The following RHBDD1 variants were observed in gnomAD, a reference collection of about 807,000 sequenced individuals.
RHBDD1 encodes the protein rhomboid-related protein 4.
Under a neutral mutation model 36.3 loss-of-function variants are expected in RHBDD1, and 38 were observed. That is an observed-to-expected ratio of 1.05 (90% CI 0.81 to 1.37). The LOEUF is 1.37. Among genes scored for constraint, RHBDD1 ranks in the 40% most tolerant of loss-of-function variants. RHBDD1 has a pLI of 0.00. For synonymous variants in RHBDD1, 151 were observed against 136.5 expected (o/e 1.11, Z -0.74); for missense variants, 393 against 377.6 (o/e 1.04, Z -0.34).
chr2:226,964,444 C>T (rs139379946), intron 8 of RHBDD1, among the ~76,000 whole-genome samples: 2 of 152,244 alleles, frequency 1.3e-5, no homozygotes, highest in African/African-American at 4.8e-5. Flanking sequence ...TGGTCTCTTT[C>T]CTGGGTCTTC....
intron 8 of RHBDD1, among the ~76,000 whole-genome samples, chr2:226,983,870 A>G (rs936830515): frequency 6.6e-6 from 1 of 152,224 alleles, no homozygotes. Flanking sequence ...AAACAGGTCT[A>G]AATATTATCA....
At chr2:226,961,947 G>A (rs1203938678) in intron 8 of RHBDD1, among the ~76,000 whole-genome samples, 3 of 152,208 alleles carry the variant, frequency 2.0e-5, no homozygotes, top group African/African-American at 7.2e-5. Flanking sequence ...TTCACATAGA[G>A]TTACAATTGA....
chr2:226,985,617 T>C (rs941654076), intron 8 of RHBDD1, among the ~76,000 whole-genome samples: 1 of 152,264 alleles, frequency 6.6e-6, no homozygotes, highest in Non-Finnish European at 1.5e-5. Context: ...CAAAGGCTGA[T>C]GTACATCGGA....
At position 226,862,689 on chromosome 2, in the gene RHBDD1, A is replaced by T. The variant is rs77814442; in HGVS notation, c.-90-1915A>T. Among the ~76,000 whole-genome samples, 924 of 152,280 alleles carry T rather than the reference A, an allele frequency of 6.1e-3. 9 individuals are homozygous for T. Among genetic ancestry groups the T allele is most frequent in the African/African-American group, 0.021 (876 of 41,560 alleles). ...GCATGAAACAGTCCCTCCCTGGCTTAGTCCGTTTAGGGTTGCTATAAATAC... is the reference window on the plus strand; with the variant it reads ...GCATGAAACAGTCCCTCCCTGGCTTTGTCCGTTTAGGGTTGCTATAAATAC... On this transcript the variant is annotated intron_variant, in intron 3 of 8. Transcript: ENST00000392062.
At chr2:226,878,629 G>T (rs990332200) in intron 5 of RHBDD1, among the ~76,000 whole-genome samples, 3 of 152,182 alleles carry the variant, frequency 2.0e-5, no homozygotes, top group African/African-American at 7.2e-5. Flanking sequence ...ATGTGAGTGT[G>T]TGGCCTTTGA....
intron 8 of RHBDD1, among the ~76,000 whole-genome samples, chr2:226,962,648 G>A (rs1952298025): frequency 6.6e-6 from 1 of 152,202 alleles, no homozygotes; most frequent in Non-Finnish European, 1.5e-5. Flanking sequence ...GCAGGAACTG[G>A]TAAAGAACAC....
the RHBDD1 span, among the ~76,000 whole-genome samples, chr2:226,801,421 T>C: frequency 1.8e-4 from 28 of 152,032 alleles, no homozygotes; most frequent in Non-Finnish European, 3.2e-4. Context: ...AAAAGAACCA[T>C]AGGCGCCATT....
the RHBDD1 span, among the ~76,000 whole-genome samples, chr2:226,806,739 A>T: frequency 6.6e-6 from 1 of 152,052 alleles, no homozygotes; most frequent in East Asian, 1.9e-4. Context: ...TCTCAATCTC[A>T]CACTTTCTCT....
intron 3 of RHBDD1, among the ~76,000 whole-genome samples, chr2:226,859,452 T>TA (rs1943643918): frequency 6.6e-6 from 1 of 152,228 alleles, no homozygotes; most frequent in African/African-American, 2.4e-5. Context: ...CTGTTTTATG[T>TA]AAGGGACTTG....
intron 5 of RHBDD1, among the ~76,000 whole-genome samples, chr2:226,886,500 CTG>C (rs1170673897): frequency 1.3e-5 from 2 of 152,186 alleles, no homozygotes; most frequent in Non-Finnish European, 2.9e-5. Flanking sequence ...GGCTGAGCAA[CTG>C]GAGTAGGACA....
intron 8 of RHBDD1, among the ~76,000 whole-genome samples, chr2:226,994,967 T>C (rs571806973): frequency 1.3e-5 from 2 of 152,244 alleles, no homozygotes; most frequent in African/African-American, 2.4e-5. Context: ...ATGATTCTTA[T>C]TGGCCACATT....
chr2:226,872,877 G>C (rs972483357), intron 5 of RHBDD1, among the ~76,000 whole-genome samples: 3 of 152,180 alleles, frequency 2.0e-5, no homozygotes, highest in African/African-American at 7.2e-5. Context: ...TTAGTTTGCA[G>C]GATTCTCCAA....
At chr2:226,952,596 T>C (rs906137384) in intron 8 of RHBDD1, among the ~76,000 whole-genome samples, 2 of 152,198 alleles carry the variant, frequency 1.3e-5, no homozygotes, top group Admixed American at 1.3e-4. Context: ...GCCTGACTTC[T>C]TTTTTCTTTT....
At chr2:226,827,411 CAT>C in the RHBDD1 span, among the ~76,000 whole-genome samples, 2 of 152,222 alleles carry the variant, frequency 1.3e-5, no homozygotes, top group Non-Finnish European at 2.9e-5. Context: ...GAATATTGCA[CAT>C]GATGGCATAC....
At chr2:226,936,182 G>A (rs1462954591) in intron 8 of RHBDD1, among the ~76,000 whole-genome samples, 2 of 152,112 alleles carry the variant, frequency 1.3e-5, no homozygotes, top group Non-Finnish European at 2.9e-5. Flanking sequence ...GCTGCTGTGT[G>A]TATTGAAGGT....
At chr2:226,921,016 A>T (rs1023270292) in intron 8 of RHBDD1, among the ~76,000 whole-genome samples, 2 of 151,982 alleles carry the variant, frequency 1.3e-5, no homozygotes, top group African/African-American at 4.8e-5. Flanking sequence ...GAAATTTTTT[A>T]TTATGGCACC....
At chr2:226,801,850 G>T in the RHBDD1 span, among the ~76,000 whole-genome samples, 6 of 152,130 alleles carry the variant, frequency 3.9e-5, no homozygotes, top group Non-Finnish European at 8.8e-5. Context: ...GATTATAAAA[G>T]GGTTGTTTAC....
At chr2:226,895,780 A>G (rs1342606586) in intron 5 of RHBDD1, 1 of 985,306 alleles carries the variant, frequency 1.0e-6, no homozygotes, top group East Asian at 1.1e-4. Flanking sequence ...AAATGGAGGA[A>G]GGTGTTCTTA....
chr2:226,860,297 G>T (rs912646090), intron 3 of RHBDD1, among the ~76,000 whole-genome samples: 5 of 152,106 alleles, frequency 3.3e-5, no homozygotes, highest in African/African-American at 1.2e-4. Flanking sequence ...CTGGTAACTG[G>T]CTTGTGGTCT....
Sources: gnomAD v4.1 joint callset for allele counts (sites outside exome capture counted in the v4.1 genomes callset) on GRCh38, gnomAD v4.1.1 for gene constraint, MANE v1.5 for transcripts, NCBI Gene and HGNC (gene_info 2026-07-23, HGNC 2026-07-21) for gene names.